Variants in SCN10A observed in about 807,000 individuals in gnomAD.
SCN10A encodes the protein sodium voltage-gated channel alpha subunit 10.
A neutral mutation model predicts 170.7 loss-of-function variants in SCN10A; 162 were observed. The ratio of observed to expected loss-of-function variants is 0.95; its 90% CI spans 0.84 to 1.08. The LOEUF (loss-of-function observed/expected upper bound fraction) is 1.08, where lower values mean the gene tolerates loss of function less well. Among genes scored for constraint, SCN10A ranks in the 50% least tolerant of loss-of-function variants. The pLI is 0.00. For missense variants in SCN10A, 2,527 were observed against 2,436.9 expected (o/e 1.04, Z -0.78); for synonymous variants, 985 against 904.6 (o/e 1.09, Z -1.59).
At chr3:38,738,090 A>C (rs1378445043) in intron 15 of SCN10A, among the ~76,000 whole-genome samples, 1 of 151,602 alleles carries the variant, frequency 6.6e-6, no homozygotes, top group Non-Finnish European at 1.5e-5. Flanking sequence ...ACAGATGTGC[A>C]CCACCATGCC....
At chr3:38,768,621 T>G (rs901534261) in intron 5 of SCN10A, among the ~76,000 whole-genome samples, 1 of 152,198 alleles carries the variant, frequency 6.6e-6, no homozygotes, top group Non-Finnish European at 1.5e-5. Context: ...GTTAATCTTA[T>G]GTAAATCAGA....
At chr3:38,710,992 C>G in intron 23 of SCN10A, 95 bp from the exon 24 acceptor site, 2 of 1,043,760 alleles carry the variant, frequency 1.9e-6, no homozygotes, top group South Asian at 2.9e-5. Flanking sequence ...AGGAGAGAGT[C>G]CTGTGTTGGA....
intron 15 of SCN10A, among the ~76,000 whole-genome samples, chr3:38,729,555 G>T (rs2063494576): frequency 6.6e-6 from 1 of 152,176 alleles, no homozygotes; most frequent in South Asian, 2.1e-4. Context: ...AGGTGTGTGG[G>T]CTCTTGCTCT....
chr3:38,749,998 G>A (rs1201138815), intron 13 of SCN10A, 75 bp downstream of exon 13: 3 of 796,254 alleles, frequency 3.8e-6, no homozygotes, highest in East Asian at 5.1e-5. Flanking sequence ...ACACGAGTTA[G>A]AGACATTGCT....
Position 38,711,971 on chromosome 3 carries a change from C to G in SCN10A, c.4089+190G>C, listed in dbSNP as rs559814837. ...AGCCCACACTTGTGTAATTGCACCA[C>G]TGTGATATCATATTCACTAGGAAGG... is the stretch of plus-strand genomic sequence containing the variant. On this transcript the variant is annotated intron_variant, in intron 23 of 27. Transcript: ENST00000449082. Among the ~76,000 whole-genome samples, 4 of 152,324 alleles carry G rather than the reference C, an allele frequency of 2.6e-5. No individual in the cohort carries two copies. The South Asian group carries it at 8.3e-4, about 32-fold the overall frequency.
intron 20 of SCN10A, among the ~76,000 whole-genome samples, chr3:38,719,458 A>T (rs1245917929): frequency 1.6e-5 from 2 of 127,850 alleles, no homozygotes; most frequent in East Asian, 4.9e-4. Context: ...CAGTAGCGGG[A>T]TCTCGGCTCA....
At chr3:38,698,790 T>C (rs1431317526) in intron 27 of SCN10A, among the ~76,000 whole-genome samples, 1 of 152,178 alleles carries the variant, frequency 6.6e-6, no homozygotes, top group African/African-American at 2.4e-5. Flanking sequence ...CTTCCTACCA[T>C]GTTATCTTTG....
rs1247083102 is a variant in SCN10A at position 38,697,066 on chromosome 3, A to G, written c.*283T>C. 4.6e-6 allele frequency: 2 copies of G among 439,386 alleles called. No individual in the cohort carries two copies. The highest frequency in any genetic ancestry group is 8.2e-5 in the East Asian group (2 of 24,490). The allele number at this position is 439,386 out of a possible 1,614,324, so 27.2% of individuals were successfully genotyped here. On this transcript the variant is annotated 3_prime_UTR_variant, in exon 28 of 28. Transcript: ENST00000449082. ...AATATAATCTGATTACAACAAAAAT[A>G]AAAGGACAAGGGATATTTTCTGGAG... is the stretch of plus-strand genomic sequence containing the variant.
chr3:38,718,260 A>G (rs2063352873), intron 21 of SCN10A, among the ~76,000 whole-genome samples: 1 of 152,214 alleles, frequency 6.6e-6, no homozygotes, highest in South Asian at 2.1e-4. Context: ...AGGTGTGAGG[A>G]CCACAGAACC....
At chr3:38,703,392 C>T (rs1026349360) in intron 26 of SCN10A, among the ~76,000 whole-genome samples, 2 of 152,212 alleles carry the variant, frequency 1.3e-5, no homozygotes, top group Non-Finnish European at 2.9e-5. Flanking sequence ...CTTACATCTC[C>T]CTCCAGCTAC....
At chr3:38,750,862 G>A (rs1367417141) in intron 12 of SCN10A, among the ~76,000 whole-genome samples, 1 of 152,230 alleles carries the variant, frequency 6.6e-6, no homozygotes, top group Non-Finnish European at 1.5e-5. Context: ...CCCATCACAA[G>A]AGAGGCATAA....
At chr3:38,714,691 A>G (rs536849628) in intron 21 of SCN10A, among the ~76,000 whole-genome samples, 3 of 152,316 alleles carry the variant, frequency 2.0e-5, no homozygotes, top group South Asian at 2.1e-4. Context: ...CAGTTCTTCA[A>G]AAAGTTTCTG....
Position 38,712,410 on chromosome 3 carries a change from G to C in SCN10A, c.3840C>G (p.Ser1280=), listed in dbSNP as rs1215659592. 1 of 1,614,070 alleles carries C rather than the reference G, an allele frequency of 6.2e-7. No individual in the cohort carries two copies. The highest frequency in any genetic ancestry group is 1.7e-5 in the Admixed American group (1 of 60,024). The change falls in exon 23 of 28, where the codon TCC becomes TCG. Residue 1280 remains serine, a synonymous_variant. Transcript: ENST00000449082. Reference sequence around the variant, plus strand: ...GGCAGACGAGGAGGACATTCATGATGGATGGGATGGCGCCCACCAGGGCAT... The same window carrying C: ...GGCAGACGAGGAGGACATTCATGATCGATGGGATGGCGCCCACCAGGGCAT... ...VVDALVGAIP[S]IMNVLLVCLI...
chr3:38,746,914 G>A (rs1193658127), intron 13 of SCN10A, among the ~76,000 whole-genome samples: 1 of 152,140 alleles, frequency 6.6e-6, no homozygotes, highest in Non-Finnish European at 1.5e-5. Flanking sequence ...CACATGCTTT[G>A]AGTTCAGTGA....
At position 38,726,875 on chromosome 3, in the gene SCN10A, G is replaced by A; in HGVS notation, c.2818C>T (p.Gln940Ter). Residue 940 changes from glutamine (Q) to a stop codon, truncating the protein, a stop_gained, in exon 17 of 28, where the codon CAG becomes TAG. Coordinates refer to ENST00000449082, the MANE Select transcript of SCN10A (RefSeq NM_006514.4). LOFTEE classifies it high-confidence loss of function. ...ACCAGCTCAGGCTCTGCCTTGGGCTGGGGGAATGGGCAGGACCTGCTGAAG... is the reference window on the plus strand; with the variant it reads ...ACCAGCTCAGGCTCTGCCTTGGGCTAGGGGAATGGGCAGGACCTGCTGAAG... Reference protein sequence around the residue: ...SFFSRSCPFPQPKAEPELVVK... With the variant: ...SFFSRSCPFP 6.2e-7 allele frequency: 1 copy of A among 1,614,142 alleles called. No individual in the cohort carries two copies. The highest frequency in any genetic ancestry group is 8.5e-7 in the Non-Finnish European group (1 of 1,179,988).
chr3:38,697,481 A>G lies in SCN10A; in HGVS notation c.5739T>C (p.Ser1913=), dbSNP rs369390668. The change falls in exon 28 of 28, where the codon TCT becomes TCC. Residue 1913 remains serine, a synonymous_variant. Transcript: ENST00000449082. ...CVLPDKSETA[S]ATSFPPSYES... is the part of the protein sequence containing the mutation. ...CATAGGACGGTGGGAATGATGTGGCAGAAGCAGTTTCAGATTTGTCTGGGA... is the reference window on the plus strand; with the variant it reads ...CATAGGACGGTGGGAATGATGTGGCGGAAGCAGTTTCAGATTTGTCTGGGA... 1 of 1,614,086 alleles carries G rather than the reference A, an allele frequency of 6.2e-7. No homozygotes were observed. Among genetic ancestry groups the G allele is most frequent in the African/African-American group, 1.3e-5 (1 of 74,932 alleles).
intron 1 of SCN10A, 103 bp from the exon 2 acceptor site, chr3:38,794,145 C>G: frequency 1.3e-6 from 1 of 795,366 alleles, no homozygotes; most frequent in Admixed American, 2.4e-5. Context: ...TTCTCCCACC[C>G]TCATATCTGG....
chr3:38,735,169 CAAAAA>C (rs543574832), intron 15 of SCN10A, among the ~76,000 whole-genome samples: 2 of 76,164 alleles, frequency 2.6e-5, no homozygotes, highest in African/African-American at 1.1e-4. Context: ...GACTCTGTCT[CAAAAA>C]AAAAAAAAAA....
At chr3:38,777,506 T>C (rs1467693585) in intron 4 of SCN10A, among the ~76,000 whole-genome samples, 1 of 152,106 alleles carries the variant, frequency 6.6e-6, no homozygotes, top group Non-Finnish European at 1.5e-5. Flanking sequence ...GTATTGTAAA[T>C]GTGGCGATTC....
Sources: gnomAD v4.1 joint callset for allele counts (sites outside exome capture counted in the v4.1 genomes callset) on GRCh38, gnomAD v4.1.1 for gene constraint, MANE v1.5 for transcripts, NCBI Gene and HGNC (gene_info 2026-07-23, HGNC 2026-07-21) for gene names.